The following RBBP5 variants were observed in gnomAD, a reference collection of about 807,000 sequenced individuals.
The protein encoded by RBBP5 is RB binding protein 5, histone lysine methyltransferase complex subunit.
Under a neutral mutation model 72.2 loss-of-function variants are expected in RBBP5, and 5 were observed. That is an observed-to-expected ratio of 0.07 (90% CI 0.04 to 0.15). The LOEUF (loss-of-function observed/expected upper bound fraction) is 0.15, where lower values mean the gene tolerates loss of function less well. Ranked by LOEUF, RBBP5 falls within the 10% of genes least tolerant of loss-of-function variation. RBBP5 has a pLI of 1.00. For missense variants in RBBP5, 322 were observed against 652.2 expected (o/e 0.49, Z 5.51); for synonymous variants, 209 against 237.2 (o/e 0.88, Z 1.09).
At chr1:205,090,833 T>A (rs1655316164) in intron 13 of RBBP5, among the ~76,000 whole-genome samples, 1 of 149,056 alleles carries the variant, frequency 6.7e-6, no homozygotes, top group African/African-American at 2.5e-5. Flanking sequence ...CAGGAATTCA[T>A]AAATTAGTCT....
In RBBP5 at chr1:205,121,926, C is replaced by T. The variant is rs1006886360; in HGVS notation, c.-53G>A. On this transcript the variant is annotated 5_prime_UTR_variant, in exon 1 of 14. Coordinates refer to ENST00000264515, the MANE Select transcript of RBBP5 (RefSeq NM_005057.4). ...AGCTCCGGCAACAACACCTTCTCCC[C>T]GGCCGGCTTCAGCAACTTGCGTCTA... The T allele has an allele frequency of 1.2e-6, 2 of 1,604,952 alleles. No individual in the cohort carries two copies. The highest frequency in any genetic ancestry group is 1.7e-6 in the Non-Finnish European group (2 of 1,179,672).
At chr1:205,108,914 A>G (rs1656190542) in intron 3 of RBBP5, among the ~76,000 whole-genome samples, 1 of 152,230 alleles carries the variant, frequency 6.6e-6, no homozygotes, top group Admixed American at 6.5e-5. Flanking sequence ...GCACATAATA[A>G]GTACTCAATG....
rs1004417683 is a variant in RBBP5 at position 205,088,329 on chromosome 1, T to C, written c.*458A>G. 1 of 157,516 alleles carries C rather than the reference T, an allele frequency of 6.3e-6. No individual in the cohort carries two copies. The highest frequency in any genetic ancestry group is 2.4e-5 in the African/African-American group (1 of 41,436). 9.8% of individuals were successfully genotyped at this position (157,516 alleles called of 1,614,324 possible). A position where few individuals can be genotyped will look rare whatever the true frequency, so the allele number is the denominator to read the frequency against. Reference sequence around the variant, plus strand: ...GGAGAGGAGAAGTTTAAAATGAGAGTATCCAACAAAAGCTTTCCTAGGATA... The same window carrying C: ...GGAGAGGAGAAGTTTAAAATGAGAGCATCCAACAAAAGCTTTCCTAGGATA... On this transcript the variant is annotated 3_prime_UTR_variant, in exon 14 of 14. Transcript: ENST00000264515.
intron 13 of RBBP5, among the ~76,000 whole-genome samples, chr1:205,094,216 C>A (rs1471130682): frequency 1.3e-5 from 2 of 152,168 alleles, no homozygotes; most frequent in Non-Finnish European, 2.9e-5. Context: ...AGAAACTACA[C>A]AGATACTGTA....
At position 205,094,865 on chromosome 1, in the gene RBBP5, G is replaced by A. The variant is rs1167159045; in HGVS notation, c.1588+8C>T. Reference sequence around the variant, plus strand: ...GCAAGCCAGACAATGCTCCCAATGTGTCCTTACCTGTCAAGGGCTGGCTGA... The same window carrying A: ...GCAAGCCAGACAATGCTCCCAATGTATCCTTACCTGTCAAGGGCTGGCTGA... On this transcript the variant is annotated splice_region_variant and intron_variant, in intron 13 of 13. Coordinates refer to ENST00000264515, the MANE Select transcript of RBBP5 (RefSeq NM_005057.4). 1 of 1,612,224 alleles carries A rather than the reference G, an allele frequency of 6.2e-7. No individual in the cohort carries two copies. The highest frequency in any genetic ancestry group is 8.5e-7 in the Non-Finnish European group (1 of 1,178,840).
chr1:205,094,773 G>T, intron 13 of RBBP5, 100 bp downstream of exon 13: 2 of 1,287,510 alleles, frequency 1.6e-6, no homozygotes, highest in Non-Finnish European at 2.1e-6. Context: ...GGAAAAACGA[G>T]GGAAGAGAGG....
chr1:205,095,151 T>C, intron 12 of RBBP5, 87 bp from the exon 13 acceptor site: 3 of 1,258,850 alleles, frequency 2.4e-6, no homozygotes, highest in Non-Finnish European at 3.4e-6. Flanking sequence ...AGAATGTTGC[T>C]TTGTGTCCCA....
Position 205,099,842 on chromosome 1 carries a change from G to A in RBBP5, c.907-30C>T. ...ATTTTAGTGAAGGAAAGAAAAACAG[G>A]TTGTTAAGAACAGATTTTAGATTTT... On this transcript the variant is annotated intron_variant, in intron 8 of 13. Transcript: ENST00000264515. This position sits in a 1 kb window ranked among gnomAD's most constrained non-coding sequence, Gnocchi z 4.7. The A allele has an allele frequency of 1.2e-6, 2 of 1,613,500 alleles. No individual in the cohort carries two copies. Among genetic ancestry groups the A allele is most frequent in the Non-Finnish European group, 1.7e-6 (2 of 1,179,544 alleles).
At position 205,097,321 on chromosome 1, in the gene RBBP5, C is replaced by A; in HGVS notation, c.1166+5G>T. On this transcript the variant is annotated splice_donor_5th_base_variant and intron_variant, in intron 11 of 13. Coordinates refer to ENST00000264515, the MANE Select transcript of RBBP5 (RefSeq NM_005057.4). ...CAAGGTGCCCAGCCTTCCGGGCCGG[C>A]TCACCTGCTACAGAAGGCAGCAATA... The A allele has an allele frequency of 1.3e-6, 2 of 1,551,664 alleles. No homozygotes were observed. The highest frequency in any genetic ancestry group is 1.7e-6 in the Non-Finnish European group (2 of 1,146,924).
chr1:205,097,036 G>T, intron 11 of RBBP5, 125 bp from the exon 12 acceptor site: 2 of 840,978 alleles, frequency 2.4e-6, no homozygotes, highest in Non-Finnish European at 1.8e-6. Flanking sequence ...CTTTAAGAAA[G>T]CCAAGAAGAA....
intron 4 of RBBP5, among the ~76,000 whole-genome samples, 179 bp from the exon 5 acceptor site, chr1:205,104,198 A>G (rs1365637376): frequency 6.6e-6 from 1 of 152,198 alleles, no homozygotes; most frequent in Non-Finnish European, 1.5e-5. Context: ...GAGTAAAATT[A>G]GTCTTGACAA....
intron 3 of RBBP5, among the ~76,000 whole-genome samples, chr1:205,111,848 C>A (rs1349184444): frequency 6.6e-6 from 1 of 152,092 alleles, no homozygotes; most frequent in Non-Finnish European, 1.5e-5. Context: ...TCCATGAGGA[C>A]CTTGGTTTAC....
At chr1:205,116,410 A>G (rs1656523598) in intron 1 of RBBP5, 1 of 257,390 alleles carries the variant, frequency 3.9e-6, no homozygotes. Flanking sequence ...TCTTAAAAGT[A>G]TAATAGGATC....
chr1:205,088,132 G>A lies in RBBP5; in HGVS notation c.*655C>T, dbSNP rs1437612011. 1.3e-5 allele frequency: 2 copies of A among 152,370 alleles called. No individual in the cohort carries two copies. Among genetic ancestry groups the A allele is most frequent in the Admixed American group, 6.5e-5 (1 of 15,308 alleles). The allele number at this position is 152,370 out of a possible 1,614,324, so 9.4% of individuals were successfully genotyped here. ...AATATTGGAGGGAAACATGCAATGA[G>A]AGGAAAACAAGGGAAAACCCTGAAT... is the stretch of plus-strand genomic sequence containing the variant. On this transcript the variant is annotated 3_prime_UTR_variant, in exon 14 of 14. Transcript: ENST00000264515.
rs1024141898 is a variant in RBBP5 at position 205,087,327 on chromosome 1, G to C, written c.*1460C>G. Reference sequence around the variant, plus strand: ...TTCTCCTGACTCAGCCTCCAGTGTAGCTGGGATTACAGGCATGTACTACCA... The same window carrying C: ...TTCTCCTGACTCAGCCTCCAGTGTACCTGGGATTACAGGCATGTACTACCA... On this transcript the variant is annotated 3_prime_UTR_variant, in exon 14 of 14. Transcript: ENST00000264515. The C allele has an allele frequency of 9.2e-5, 14 of 151,754 alleles. No homozygotes were observed. The highest frequency in any genetic ancestry group is 1.5e-5 in the Non-Finnish European group (1 of 68,024). The allele number at this position is 151,754 out of a possible 1,614,324, so 9.4% of individuals were successfully genotyped here.
intron 13 of RBBP5, chr1:205,091,161 A>G (rs567019059): frequency 6.6e-6 from 1 of 152,384 alleles, no homozygotes; most frequent in Admixed American, 6.5e-5. Flanking sequence ...TGAGGCCTTT[A>G]GAACGTGTAT....
chr1:205,105,994 C>A (rs756101623), intron 3 of RBBP5, among the ~76,000 whole-genome samples: 5 of 152,234 alleles, frequency 3.3e-5, no homozygotes, highest in Non-Finnish European at 7.3e-5. Context: ...CCCCACCTCA[C>A]TGGGGTGGTG....
intron 4 of RBBP5, 53 bp downstream of exon 4, chr1:205,104,975 C>G (rs1655997726): frequency 5.7e-6 from 9 of 1,580,962 alleles, no homozygotes; most frequent in Non-Finnish European, 7.8e-6. Flanking sequence ...GAGCCCAGAG[C>G]TAATCCATAT....
intron 2 of RBBP5, 94 bp from the exon 3 acceptor site, chr1:205,115,055 T>G: frequency 3.4e-6 from 4 of 1,163,160 alleles, no homozygotes; most frequent in Non-Finnish European, 3.7e-6. Flanking sequence ...ATACTTTTAT[T>G]GAATATAAAT....
Sources: allele counts gnomAD v4.1 joint callset (sites outside exome capture counted in the v4.1 genomes callset), GRCh38; gene constraint gnomAD v4.1.1; non-coding constraint Gnocchi (gnomAD v3.1); transcripts MANE v1.5; gene names NCBI Gene and HGNC (gene_info 2026-07-23, HGNC 2026-07-21).